The following EGFR variants were observed in gnomAD, a reference collection of about 807,000 sequenced individuals.
The protein encoded by EGFR is epidermal growth factor receptor.
In EGFR, 58 loss-of-function variants were observed where a neutral mutation model predicts 143.0. The observed-to-expected ratio is 0.41, with a 90% CI of 0.33 to 0.50. The LOEUF is 0.50. Ranked by LOEUF, EGFR falls within the 20% of genes least tolerant of loss-of-function variation. The pLI, the probability that EGFR is intolerant of heterozygous loss-of-function variation, is 0.39. For synonymous variants in EGFR, 613 were observed against 594.4 expected (o/e 1.03, Z -0.45); for missense variants, 1,307 against 1,579.0 (o/e 0.83, Z 2.92).
intron 1 of EGFR, among the ~76,000 whole-genome samples, chr7:55,064,979 A>G (rs1390295279): frequency 1.3e-5 from 2 of 152,258 alleles, no homozygotes; most frequent in Non-Finnish European, 2.9e-5. Flanking sequence ...GCCACTCACC[A>G]TACCACAAAC....
chr7:55,040,494 T>A (rs570570277), intron 1 of EGFR, among the ~76,000 whole-genome samples: 8 of 152,260 alleles, frequency 5.3e-5, no homozygotes, highest in Non-Finnish European at 1.0e-4. Context: ...CCTAGGCAAT[T>A]TATTTTACTC....
intron 1 of EGFR, among the ~76,000 whole-genome samples, chr7:55,041,678 A>G (rs1319994498): frequency 1.3e-5 from 2 of 152,252 alleles, no homozygotes; most frequent in Non-Finnish European, 2.9e-5. Context: ...ATCTTAATTC[A>G]TAAGTTTTCT....
Position 55,054,544 on chromosome 7 carries a change from G to A in EGFR, c.88+35179G>A, listed in dbSNP as rs886921105. ...GCCTGGAGCTCAGAAAGAGGGGAAC[G>A]CTCCCTCGTCTCTCAACAGTTGCTC... On this transcript the variant is annotated intron_variant, in intron 1 of 27. Transcript: ENST00000275493. 2.6e-5 allele frequency among the ~76,000 whole-genome samples: 4 copies of A among 152,212 alleles called. 1 individual carries two copies. The highest frequency in any genetic ancestry group is 4.1e-4 in the South Asian group (2 of 4,828).
At chr7:55,069,914 C>T (rs556756993) in intron 1 of EGFR, among the ~76,000 whole-genome samples, 2 of 152,228 alleles carry the variant, frequency 1.3e-5, no homozygotes, top group Non-Finnish European at 2.9e-5. Context: ...CACACACATA[C>T]ACACAACCTT....
chr7:55,096,094 G>A (rs767201743), intron 1 of EGFR, among the ~76,000 whole-genome samples: 22 of 152,320 alleles, frequency 1.4e-4, no homozygotes, highest in Non-Finnish European at 2.4e-4. Flanking sequence ...TTCAGGAGGA[G>A]TGAAAGAAGC....
intron 27 of EGFR, among the ~76,000 whole-genome samples, chr7:55,203,522 TACAC>T (rs1437575294): frequency 7.6e-6 from 1 of 131,312 alleles, no homozygotes; most frequent in Non-Finnish European, 1.6e-5. Context: ...CACCATTACA[TACAC>T]ACGTACACAT....
intron 1 of EGFR, among the ~76,000 whole-genome samples, chr7:55,052,106 A>T (rs1788524861): frequency 6.6e-6 from 1 of 152,158 alleles, no homozygotes; most frequent in African/African-American, 2.4e-5. Flanking sequence ...ACAGCCTCTT[A>T]CTTCACCTGT....
intron 1 of EGFR, among the ~76,000 whole-genome samples, chr7:55,051,881 TC>T (rs1350458654): frequency 1.3e-5 from 2 of 152,130 alleles, no homozygotes; most frequent in African/African-American, 4.8e-5. Context: ...CCTGGAAAAC[TC>T]CCCCCACAAA....
intron 1 of EGFR, among the ~76,000 whole-genome samples, chr7:55,036,822 C>T (rs114271953): frequency 0.021 from 3,255 of 152,208 alleles, 117 homozygotes; most frequent in African/African-American, 0.073. Flanking sequence ...GATAAAACCT[C>T]TAAGGAACAC....
At chr7:55,100,114 T>C (rs966056871) in intron 1 of EGFR, among the ~76,000 whole-genome samples, 2 of 152,192 alleles carry the variant, frequency 1.3e-5, no homozygotes, top group Non-Finnish European at 2.9e-5. Context: ...GAGGCACTGC[T>C]CCTCAGCGGA....
chr7:55,125,761 CTTGCACTGTGCTGTCACAG>C (rs1486658151), intron 1 of EGFR, among the ~76,000 whole-genome samples: 2 of 152,262 alleles, frequency 1.3e-5, no homozygotes, highest in Non-Finnish European at 2.9e-5. Flanking sequence ...TACAGGGCCC[CTTGCACTGTGCTGTCACAG>C]ACACGCCCAC....
intron 1 of EGFR, among the ~76,000 whole-genome samples, chr7:55,045,549 C>A (rs2128871395): frequency 6.6e-6 from 1 of 152,268 alleles, no homozygotes; most frequent in South Asian, 2.1e-4. Context: ...CTAGACTATA[C>A]TCACGGTGGG....
At chr7:55,172,914 G>T (rs552456875) in intron 16 of EGFR, 69 bp from the exon 17 acceptor site, 1 of 1,613,446 alleles carries the variant, frequency 6.2e-7, no homozygotes, top group East Asian at 2.2e-5. Flanking sequence ...ATGCAGGGGC[G>T]TGTTGAGTGC....
chr7:55,159,857 T>G (rs1258128977), intron 11 of EGFR, among the ~76,000 whole-genome samples: 1 of 152,152 alleles, frequency 6.6e-6, no homozygotes, highest in Non-Finnish European at 1.5e-5. Context: ...CCAGGCAAAA[T>G]GAAAATGGAG....
At chr7:55,076,659 A>T (rs1583979077) in intron 1 of EGFR, among the ~76,000 whole-genome samples, 1 of 152,162 alleles carries the variant, frequency 6.6e-6, no homozygotes, top group East Asian at 1.9e-4. Context: ...TTGCAATGAA[A>T]CCTACTTATT....
intron 1 of EGFR, among the ~76,000 whole-genome samples, chr7:55,098,754 C>T (rs1206042495): frequency 6.6e-6 from 1 of 152,182 alleles, no homozygotes; most frequent in Non-Finnish European, 1.5e-5. Context: ...GCAAACCTGG[C>T]CCTCCACACT....
chr7:55,081,809 A>G (rs1284634450), intron 1 of EGFR, among the ~76,000 whole-genome samples: 1 of 149,774 alleles, frequency 6.7e-6, no homozygotes, highest in African/African-American at 2.5e-5. Flanking sequence ...TTCTGGAGCT[A>G]ATCATAGGCT....
At chr7:55,094,955 T>C (rs1355126976) in intron 1 of EGFR, among the ~76,000 whole-genome samples, 2 of 152,222 alleles carry the variant, frequency 1.3e-5, no homozygotes, top group African/African-American at 4.8e-5. Context: ...AACCTCTCCA[T>C]AGGTGCTGAA....
chr7:55,185,801 T>TA (rs1787109343), intron 20 of EGFR, among the ~76,000 whole-genome samples: 1 of 152,206 alleles, frequency 6.6e-6, no homozygotes, highest in Non-Finnish European at 1.5e-5. Flanking sequence ...TGACCACAAC[T>TA]GTATAAGCAC....
Sources: gnomAD v4.1 joint callset for allele counts (sites outside exome capture counted in the v4.1 genomes callset) on GRCh38, gnomAD v4.1.1 for gene constraint, MANE v1.5 for transcripts, NCBI Gene and HGNC (gene_info 2026-07-23, HGNC 2026-07-21) for gene names.